The following RAMP3 variants were observed in gnomAD, a reference collection of about 807,000 sequenced individuals.
The protein encoded by RAMP3 is receptor activity-modifying protein 3.
A neutral mutation model predicts 13.5 loss-of-function variants in RAMP3; 14 were observed. The observed-to-expected ratio is 1.04, with a 90% CI of 0.69 to 1.63. The LOEUF is 1.63. RAMP3 is among the 40% of genes most tolerant of loss of function. The pLI is 0.00. For synonymous variants in RAMP3, 106 were observed against 88.3 expected, an observed-to-expected ratio of 1.20 and a Z score of -1.12; for missense variants, 200 against 204.8, an observed-to-expected ratio of 0.98 and a Z score of 0.14.
rs1042325227 is a variant in RAMP3, at chr7:45,184,114, C to A, written c.*702C>A. 2 of 399,226 alleles carry A rather than the reference C, an allele frequency of 5.0e-6. No homozygotes were observed. The highest frequency in any genetic ancestry group is 2.1e-5 in the African/African-American group (1 of 48,622). 24.7% of individuals were successfully genotyped at this position (399,226 alleles called of 1,614,324 possible). On this transcript the variant is annotated 3_prime_UTR_variant, in exon 3 of 3. Coordinates refer to ENST00000242249, the MANE Select transcript of RAMP3 (RefSeq NM_005856.3). ...GAGCCCCTCACCGGGACTTGCTGTG[C>A]GGATGGGGCCTGGGCCTCCTTCCTA...
intron 1 of RAMP3, among the ~76,000 whole-genome samples, chr7:45,161,673 G>A (rs1354025564): frequency 1.3e-5 from 2 of 151,590 alleles, no homozygotes; most frequent in Non-Finnish European, 2.9e-5. Flanking sequence ...GAGGAAGAGA[G>A]GAAGAAGGGG....
intron 1 of RAMP3, among the ~76,000 whole-genome samples, chr7:45,166,017 C>T (rs183541571): frequency 3.9e-5 from 6 of 152,204 alleles, no homozygotes; most frequent in South Asian, 2.1e-4. Flanking sequence ...TGAACATGTG[C>T]GGTATAAATT....
chr7:45,180,457 G>A (rs183758892), intron 2 of RAMP3, among the ~76,000 whole-genome samples: 82 of 152,316 alleles, frequency 5.4e-4, no homozygotes, highest in African/African-American at 1.9e-3. Flanking sequence ...TCCACATGAC[G>A]ACCCCATCAG....
intron 1 of RAMP3, among the ~76,000 whole-genome samples, chr7:45,163,006 G>A (rs756282836): frequency 2.0e-4 from 31 of 152,238 alleles, no homozygotes; most frequent in Non-Finnish European, 2.2e-4. Context: ...TACATTGCTT[G>A]AGGTCTTCAG....
chr7:45,162,298 G>C (rs141255765), intron 1 of RAMP3, among the ~76,000 whole-genome samples: 3 of 152,224 alleles, frequency 2.0e-5, no homozygotes, highest in Admixed American at 1.3e-4. Context: ...TCCAGAATCT[G>C]TTGCAGAGCC....
At chr7:45,170,782 A>G (rs1786064753) in intron 1 of RAMP3, among the ~76,000 whole-genome samples, 1 of 151,996 alleles carries the variant, frequency 6.6e-6, no homozygotes, top group Admixed American at 6.6e-5. Flanking sequence ...GTTGGCTGGG[A>G]CTGCAGGTGT....
chr7:45,169,828 A>G (rs940610642), intron 1 of RAMP3, among the ~76,000 whole-genome samples: 1 of 152,232 alleles, frequency 6.6e-6, no homozygotes, highest in Non-Finnish European at 1.5e-5. Context: ...TAACTTGATT[A>G]CCTCAGTTGA....
chr7:45,162,382 A>C (rs1201780321), intron 1 of RAMP3, among the ~76,000 whole-genome samples: 1 of 152,194 alleles, frequency 6.6e-6, no homozygotes, highest in Admixed American at 6.5e-5. Flanking sequence ...GACCAGGGCT[A>C]AGTGGGGCCA....
At chr7:45,162,136 G>A (rs948656560) in intron 1 of RAMP3, among the ~76,000 whole-genome samples, 1 of 152,218 alleles carries the variant, frequency 6.6e-6, no homozygotes, top group Non-Finnish European at 1.5e-5. Context: ...CTTTTCACCT[G>A]CAGGCAGGTG....
intron 2 of RAMP3, among the ~76,000 whole-genome samples, chr7:45,181,656 G>A (rs926731806): frequency 5.3e-5 from 8 of 152,274 alleles, no homozygotes; most frequent in Admixed American, 2.0e-4. Context: ...ATCAGCTGGC[G>A]GGGGGTTGGG....
At chr7:45,160,808 T>G (rs899619887) in intron 1 of RAMP3, among the ~76,000 whole-genome samples, 29 of 152,264 alleles carry the variant, frequency 1.9e-4, no homozygotes, top group Admixed American at 3.3e-4. Context: ...CTATTTTGAT[T>G]CAGTTCCTGC....
chr7:45,160,060 C>T (rs138228592), intron 1 of RAMP3, among the ~76,000 whole-genome samples: 2,080 of 152,080 alleles, frequency 0.014, 50 homozygotes, highest in African/African-American at 0.048. Flanking sequence ...CGGCCGGGTG[C>T]GGTGGCTCAC....
intron 2 of RAMP3, among the ~76,000 whole-genome samples, chr7:45,181,446 G>A (rs575599099): frequency 1.8e-4 from 27 of 152,356 alleles, no homozygotes; most frequent in African/African-American, 6.3e-4. Context: ...TCCACAGAGG[G>A]TCTTCTCCAG....
intron 2 of RAMP3, among the ~76,000 whole-genome samples, chr7:45,180,558 G>A (rs553789503): frequency 9.2e-4 from 140 of 152,316 alleles, no homozygotes; most frequent in Non-Finnish European, 1.6e-3. Flanking sequence ...ATTGCCCCTC[G>A]GGGCAACCAG....
intron 1 of RAMP3, among the ~76,000 whole-genome samples, chr7:45,173,570 A>G (rs1416482612): frequency 6.6e-6 from 1 of 152,234 alleles, no homozygotes; most frequent in Non-Finnish European, 1.5e-5. Flanking sequence ...GTCTGTGGAC[A>G]GCTGAGCAGG....
Position 45,177,346 on chromosome 7 carries a change from C to G in RAMP3, c.96C>G (p.Gly32=), listed in dbSNP as rs1786210937. 1 of 1,614,176 alleles carries G rather than the reference C, an allele frequency of 6.2e-7. No individual in the cohort carries two copies. Among genetic ancestry groups the G allele is most frequent in the African/African-American group, 1.3e-5 (1 of 75,062 alleles). The change falls in exon 2 of 3, where the codon GGC becomes GGG. Residue 32 remains glycine, a synonymous_variant. Transcript: ENST00000242249. ...CPRAGGCNET[G]MLERLPLCGK... ...GAGCAGGCGGCTGCAACGAGACAGG[C>G]ATGTTGGAGAGGCTGCCCCTGTGTG...
chr7:45,174,540 G>T (rs1660887744), intron 1 of RAMP3, among the ~76,000 whole-genome samples: 1 of 152,160 alleles, frequency 6.6e-6, no homozygotes, highest in Non-Finnish European at 1.5e-5. Context: ...TCCCGATGGG[G>T]CCTGTGCATT....
intron 1 of RAMP3, among the ~76,000 whole-genome samples, chr7:45,176,470 A>G (rs543013746): frequency 6.6e-6 from 1 of 152,106 alleles, no homozygotes; most frequent in South Asian, 2.1e-4. Context: ...CCCGAGACAC[A>G]TATGCCTGGG....
At position 45,183,669 on chromosome 7, in the gene RAMP3, G is replaced by A. The variant is rs535072260; in HGVS notation, c.*257G>A. On this transcript the variant is annotated 3_prime_UTR_variant, in exon 3 of 3. Transcript: ENST00000242249. ...AAAATGTGATAAGGCCAGAGCTTGT[G>A]TGCTGGGCACAGAAATCACCTGCTG... The A allele has an allele frequency of 6.4e-5, 38 of 598,044 alleles. No homozygotes were observed. In the East Asian group the frequency reaches 1.1e-3, roughly 17 times the overall value. The allele number at this position is 598,044 out of a possible 1,614,324, so 37.0% of individuals were successfully genotyped here.
Sources: allele counts gnomAD v4.1 joint callset (sites outside exome capture counted in the v4.1 genomes callset), GRCh38; gene constraint gnomAD v4.1.1; transcripts MANE v1.5; gene names NCBI Gene and HGNC (gene_info 2026-07-23, HGNC 2026-07-21).